The following NBAS variants were observed in gnomAD, a reference collection of about 807,000 sequenced individuals.
The protein encoded by NBAS is NAG/BC035112 fusion.
A neutral mutation model predicts 302.5 loss-of-function variants in NBAS; 219 were observed. The ratio of observed to expected loss-of-function variants is 0.72; its 90% CI spans 0.65 to 0.81. The LOEUF (loss-of-function observed/expected upper bound fraction) is 0.81, where lower values mean the gene tolerates loss of function less well. Ranked by LOEUF, NBAS falls within the 30% of genes least tolerant of loss-of-function variation. NBAS has a pLI of 0.00. For synonymous variants in NBAS, 1,118 were observed against 1,021.6 expected (o/e 1.09, Z -1.80); for missense variants, 2,932 against 2,841.6 (o/e 1.03, Z -0.72).
chr2:15,085,012 C>T, the NBAS span, among the ~76,000 whole-genome samples: 1 of 152,178 alleles, frequency 6.6e-6, no homozygotes, highest in African/African-American at 2.4e-5. Context: ...AGGGAGGAGG[C>T]GGACAGCGCC....
At chr2:15,271,645 G>A (rs1294713143) in intron 44 of NBAS, among the ~76,000 whole-genome samples, 1 of 152,178 alleles carries the variant, frequency 6.6e-6, no homozygotes, top group African/African-American at 2.4e-5. Context: ...AGAAGTATTT[G>A]CCATGCATTT....
chr2:14,951,497 C>T, the NBAS span, among the ~76,000 whole-genome samples: 1 of 152,172 alleles, frequency 6.6e-6, no homozygotes, highest in Admixed American at 6.5e-5. Flanking sequence ...ATGGCATTGG[C>T]ACGAGGAGAC....
At chr2:15,361,572 A>G (rs1383441988) in intron 32 of NBAS, among the ~76,000 whole-genome samples, 1 of 152,212 alleles carries the variant, frequency 6.6e-6, no homozygotes, top group Non-Finnish European at 1.5e-5. Flanking sequence ...TTCAATTATG[A>G]GACAAATAAT....
the NBAS span, among the ~76,000 whole-genome samples, chr2:14,812,179 A>G: frequency 6.6e-6 from 1 of 152,166 alleles, no homozygotes; most frequent in Non-Finnish European, 1.5e-5. Context: ...AGGCAGGCAT[A>G]TCCACGTGGT....
intron 51 of NBAS, among the ~76,000 whole-genome samples, chr2:15,175,859 G>A (rs1017463793): frequency 6.6e-6 from 1 of 152,218 alleles, no homozygotes; most frequent in African/African-American, 2.4e-5. Context: ...CTATAAAGCT[G>A]TCAGTATCTT....
chr2:14,783,021 C>T, the NBAS span, among the ~76,000 whole-genome samples: 2 of 151,756 alleles, frequency 1.3e-5, no homozygotes. Context: ...AGCTAAGTAC[C>T]CAGATGATGA....
chr2:15,305,424 T>C (rs1188946822), intron 40 of NBAS, among the ~76,000 whole-genome samples: 1 of 151,734 alleles, frequency 6.6e-6, no homozygotes, highest in Admixed American at 6.6e-5. Context: ...AATCTCTTTC[T>C]TTATAAATTA....
the NBAS span, among the ~76,000 whole-genome samples, chr2:14,860,580 A>C: frequency 6.6e-6 from 1 of 152,192 alleles, no homozygotes; most frequent in Non-Finnish European, 1.5e-5. Context: ...TAAGTCAAGC[A>C]CAGAAAGACA....
chr2:15,292,046 C>T (rs1413810826), intron 41 of NBAS, among the ~76,000 whole-genome samples: 3 of 152,214 alleles, frequency 2.0e-5, no homozygotes, highest in Non-Finnish European at 2.9e-5. Context: ...ATGATCTCAG[C>T]TCACTGTGGC....
intron 34 of NBAS, 148 bp downstream of exon 34, chr2:15,353,405 A>G: frequency 1.0e-6 from 1 of 974,340 alleles, no homozygotes; most frequent in South Asian, 1.4e-5. Flanking sequence ...TAATATTTTC[A>G]TGTCCCTTTT....
the NBAS span, among the ~76,000 whole-genome samples, chr2:14,919,058 G>A: frequency 6.6e-6 from 1 of 152,110 alleles, no homozygotes; most frequent in African/African-American, 2.4e-5. Flanking sequence ...TACATGCCTG[G>A]AGCAGATTTG....
the NBAS span, among the ~76,000 whole-genome samples, chr2:14,919,376 C>T: frequency 0.27 from 41,034 of 152,010 alleles, 5,613 homozygotes; most frequent in African/African-American, 0.33. Context: ...TGCAGTGTGT[C>T]ATTATCTTTT....
the NBAS span, among the ~76,000 whole-genome samples, chr2:15,090,762 G>A: frequency 2.0e-5 from 3 of 152,162 alleles, no homozygotes; most frequent in Non-Finnish European, 4.4e-5. Flanking sequence ...AAAAGCCATA[G>A]GAAGCAAGAG....
At chr2:15,102,157 A>G in the NBAS span, among the ~76,000 whole-genome samples, 1 of 152,226 alleles carries the variant, frequency 6.6e-6, no homozygotes, top group Non-Finnish European at 1.5e-5. Context: ...GTCCAGCCAC[A>G]AGGGTCATCA....
At chr2:14,779,167 G>C in the NBAS span, among the ~76,000 whole-genome samples, 1 of 152,194 alleles carries the variant, frequency 6.6e-6, no homozygotes, top group Non-Finnish European at 1.5e-5. Flanking sequence ...AAACAGAAAA[G>C]AGTGGGTAGG....
intron 29 of NBAS, among the ~76,000 whole-genome samples, chr2:15,380,576 CA>C (rs1674985439): frequency 1.1e-5 from 1 of 90,482 alleles, no homozygotes; most frequent in Non-Finnish European, 2.7e-5. Context: ...TTAAATAAAA[CA>C]AGAGACACTG....
the NBAS span, among the ~76,000 whole-genome samples, chr2:15,018,469 A>G: frequency 6.6e-6 from 1 of 152,024 alleles, no homozygotes; most frequent in African/African-American, 2.4e-5. Context: ...AATAATGTTA[A>G]TTGCTATTGA....
chr2:14,812,851 G>A, the NBAS span, among the ~76,000 whole-genome samples: 2 of 152,162 alleles, frequency 1.3e-5, no homozygotes, highest in Non-Finnish European at 2.9e-5. Flanking sequence ...CTGAGTTTTG[G>A]AGGTGGGGTC....
In NBAS at chr2:15,426,794, C is replaced by T. The variant is rs186104890; in HGVS notation, c.2423+917G>A. Among the ~76,000 whole-genome samples, 29 of 152,246 alleles carry T rather than the reference C, an allele frequency of 1.9e-4. 1 individual carries two copies. Among genetic ancestry groups the T allele is most frequent in the Admixed American group, 4.6e-4 (7 of 15,290 alleles). Reference sequence around the variant, plus strand: ...TGTTCTTCCTGCTGGAGTCTAACCTCGGATGTCCAGGAAGCTCTGCAGGGG... The same window carrying T: ...TGTTCTTCCTGCTGGAGTCTAACCTTGGATGTCCAGGAAGCTCTGCAGGGG... On this transcript the variant is annotated intron_variant, in intron 22 of 51. Transcript: ENST00000281513.
Sources: gnomAD v4.1 joint callset for allele counts (sites outside exome capture counted in the v4.1 genomes callset) on GRCh38, gnomAD v4.1.1 for gene constraint, MANE v1.5 for transcripts, NCBI Gene and HGNC (gene_info 2026-07-23, HGNC 2026-07-21) for gene names.